The following RAD18 variants were observed in gnomAD, a reference collection of about 807,000 sequenced individuals.
The protein encoded by RAD18 is RAD18 E3 ubiquitin protein ligase, also known as E3 ubiquitin-protein ligase RAD18.
In RAD18, 47 loss-of-function variants were observed where a neutral mutation model predicts 60.4. The ratio of observed to expected loss-of-function variants is 0.78; its 90% CI spans 0.62 to 0.99. The LOEUF is 0.99. Ranked by LOEUF, RAD18 falls within the 50% of genes least tolerant of loss-of-function variation. The probability of loss-of-function intolerance (pLI) is 0.00; values close to 1 mark genes in which losing one functional copy is unlikely to be tolerated. For synonymous variants in RAD18, 225 were observed against 195.5 expected (o/e 1.15, Z -1.26); for missense variants, 640 against 593.3 (o/e 1.08, Z -0.82).
intron 7 of RAD18, among the ~76,000 whole-genome samples, chr3:8,925,631 C>A (rs1423709912): frequency 1.3e-5 from 2 of 152,174 alleles, no homozygotes; most frequent in African/African-American, 2.4e-5. Flanking sequence ...TAGACCAATA[C>A]CCCTGATGAA....
At chr3:8,906,696 AT>A (rs56371827) in intron 9 of RAD18, among the ~76,000 whole-genome samples, 262 of 146,798 alleles carry the variant, frequency 1.8e-3, no homozygotes, top group South Asian at 6.8e-3. Context: ...CGTTTTCTAG[AT>A]TTTTTTTTTT....
rs1304610770 is a variant in RAD18 at position 8,879,006 on chromosome 3, T to C, written c.*2351A>G. ...TTCCTTAATCTTTGTCAGATGGATA[T>C]GAACATACATTTCTTTCAATGTATG... On this transcript the variant is annotated 3_prime_UTR_variant, in exon 13 of 13. Coordinates refer to ENST00000264926, the MANE Select transcript of RAD18 (RefSeq NM_020165.4). The C allele has an allele frequency of 6.6e-6, 1 of 152,248 alleles. No individual in the cohort carries two copies. The highest frequency in any genetic ancestry group is 1.5e-5 in the Non-Finnish European group (1 of 68,038). The allele number at this position is 152,248 out of a possible 1,614,324, so 9.4% of individuals were successfully genotyped here.
At chr3:8,948,867 CT>C (rs1479815973) in intron 2 of RAD18, among the ~76,000 whole-genome samples, 1 of 152,158 alleles carries the variant, frequency 6.6e-6, no homozygotes, top group African/African-American at 2.4e-5. Flanking sequence ...GGGCTGGGTA[CT>C]GTATAAACCT....
At chr3:8,892,667 CA>C (rs1939712749) in intron 11 of RAD18, among the ~76,000 whole-genome samples, 1 of 152,156 alleles carries the variant, frequency 6.6e-6, no homozygotes, top group Non-Finnish European at 1.5e-5. Flanking sequence ...GAAAGTAGCA[CA>C]GCTTCTTCAG....
intron 7 of RAD18, among the ~76,000 whole-genome samples, chr3:8,932,459 T>C (rs996797419): frequency 2.6e-5 from 4 of 152,196 alleles, no homozygotes; most frequent in African/African-American, 9.7e-5. Context: ...CATCATGAGA[T>C]ACCACTACTA....
Position 8,881,432 on chromosome 3 carries a change from A to G in RAD18, c.1413T>C (p.Ser471=), listed in dbSNP as rs1435204881. The G allele has an allele frequency of 3.7e-6, 6 of 1,611,808 alleles. No individual in the cohort carries two copies. In the Admixed American group the frequency reaches 1.0e-4, roughly 27 times the overall value. ...CTCTTGTGCGGCGATTCTGTCTTGG[A>G]CTTATTTCTGTGTCTTGAAGATCGT... ...HKNDLQDTEI[S]PRQNRRTRAA... The change falls in exon 13 of 13, where the codon AGT becomes AGC. Residue 471 remains serine (S), a synonymous_variant. Coordinates refer to ENST00000264926, the MANE Select transcript of RAD18 (RefSeq NM_020165.4).
At chr3:8,884,741 G>A (rs1939528014) in intron 12 of RAD18, among the ~76,000 whole-genome samples, 1 of 152,132 alleles carries the variant, frequency 6.6e-6, no homozygotes, top group Admixed American at 6.5e-5. Flanking sequence ...CTTAGCAGGG[G>A]AGTTCCTGGC....
chr3:8,957,240 C>T (rs1941029573), intron 2 of RAD18, among the ~76,000 whole-genome samples: 1 of 152,148 alleles, frequency 6.6e-6, no homozygotes, highest in African/African-American at 2.4e-5. Flanking sequence ...GTTAAGATGT[C>T]AATTCTCCCA....
intron 2 of RAD18, among the ~76,000 whole-genome samples, chr3:8,950,836 T>C (rs1441668647): frequency 6.6e-6 from 1 of 152,028 alleles, no homozygotes; most frequent in African/African-American, 2.4e-5. Flanking sequence ...TAAGGAAGAA[T>C]CAAAAAGGAA....
At chr3:8,944,771 C>T (rs1453692390) in intron 4 of RAD18, among the ~76,000 whole-genome samples, 1 of 152,072 alleles carries the variant, frequency 6.6e-6, no homozygotes, top group Non-Finnish European at 1.5e-5. Context: ...CAAAATAGGC[C>T]TTTGGGTAGA....
In RAD18 at chr3:8,925,999, C is replaced by G. The variant is rs1940426619; in HGVS notation, c.889+9872G>C. 4.0e-5 allele frequency among the ~76,000 whole-genome samples: 6 copies of G among 151,752 alleles called. No homozygotes were observed. The South Asian group carries it at 1.2e-3, about 32-fold the overall frequency. ...TGGAAGCATTCCCTTTGAAAACTGG[C>G]ACAAGACAGGGATGCCCTCTCTCAC... On this transcript the variant is annotated intron_variant, in intron 7 of 12. Transcript: ENST00000264926.
chr3:8,917,842 TA>T (rs1271501264), intron 7 of RAD18, among the ~76,000 whole-genome samples: 1 of 152,006 alleles, frequency 6.6e-6, no homozygotes, highest in Non-Finnish European at 1.5e-5. Flanking sequence ...TCAGATTGGA[TA>T]AAAAAGCAAG....
chr3:8,949,366 G>A (rs896248347), intron 2 of RAD18, among the ~76,000 whole-genome samples: 21 of 152,178 alleles, frequency 1.4e-4, no homozygotes, highest in Non-Finnish European at 5.9e-5. Context: ...AGTTGAGGAG[G>A]AGACAGCATA....
chr3:8,948,193 T>C (rs538171921), intron 3 of RAD18, among the ~76,000 whole-genome samples: 30 of 152,266 alleles, frequency 2.0e-4, no homozygotes, highest in Admixed American at 2.0e-3. Context: ...TCTTTGCAAA[T>C]GAATAATCAT....
intron 7 of RAD18, among the ~76,000 whole-genome samples, chr3:8,921,942 A>T (rs1026381165): frequency 4.6e-5 from 7 of 152,246 alleles, no homozygotes; most frequent in Non-Finnish European, 7.3e-5. Flanking sequence ...TAGTACAAAG[A>T]ATGAAAGTCA....
intron 11 of RAD18, among the ~76,000 whole-genome samples, chr3:8,897,847 C>T (rs1461144476): frequency 6.6e-6 from 1 of 151,956 alleles, no homozygotes; most frequent in Non-Finnish European, 1.5e-5. Context: ...GGGTGGATCA[C>T]TTGAGGTCAG....
chr3:8,925,095 C>A (rs1193981529), intron 7 of RAD18, among the ~76,000 whole-genome samples: 1 of 151,162 alleles, frequency 6.6e-6, no homozygotes, highest in African/African-American at 2.4e-5. Context: ...ACACAAAAAA[C>A]CCTTCAAAAA....
chr3:8,889,909 T>C (rs1939654475), intron 12 of RAD18, among the ~76,000 whole-genome samples: 1 of 152,226 alleles, frequency 6.6e-6, no homozygotes, highest in Non-Finnish European at 1.5e-5. Context: ...TACCATGTTT[T>C]TACTGTACCT....
chr3:8,937,628 A>G (rs1334571510), intron 6 of RAD18, among the ~76,000 whole-genome samples: 1 of 152,146 alleles, frequency 6.6e-6, no homozygotes, highest in Non-Finnish European at 1.5e-5. Context: ...ATACAACTAA[A>G]GAAGAACATG....
Sources: allele counts gnomAD v4.1 joint callset (sites outside exome capture counted in the v4.1 genomes callset), GRCh38; gene constraint gnomAD v4.1.1; transcripts MANE v1.5; gene names NCBI Gene and HGNC (gene_info 2026-07-23, HGNC 2026-07-21).